Variants in PARM1 observed in about 807,000 individuals in gnomAD.
The protein encoded by PARM1 is prostate androgen-regulated mucin-like protein 1, also known as WSC4, cell wall integrity and stress response component 4 homolog.
Under a neutral mutation model 24.6 loss-of-function variants are expected in PARM1, and 14 were observed. That is an observed-to-expected ratio of 0.57 (90% CI 0.38 to 0.89). The LOEUF (loss-of-function observed/expected upper bound fraction) is 0.89, where lower values mean the gene tolerates loss of function less well. Among genes scored for constraint, PARM1 ranks in the 40% least tolerant of loss-of-function variants. The probability of loss-of-function intolerance (pLI) is 0.00; values close to 1 mark genes in which losing one functional copy is unlikely to be tolerated. For missense variants in PARM1, 362 were observed against 380.4 expected, an observed-to-expected ratio of 0.95 and a Z score of 0.40; for synonymous variants, 179 against 156.6, an observed-to-expected ratio of 1.14 and a Z score of -1.07.
chr4:75,021,760 T>C (rs1723092354), intron 2 of PARM1, among the ~76,000 whole-genome samples: 1 of 152,186 alleles, frequency 6.6e-6, no homozygotes, highest in South Asian at 2.1e-4. Context: ...GGCCTCCAGC[T>C]CCATCCATGT....
At chr4:74,957,018 C>G (rs1021612327) in intron 1 of PARM1, 1 of 152,216 alleles carries the variant, frequency 6.6e-6, no homozygotes, top group African/African-American at 2.4e-5. Flanking sequence ...ACAGATGTGC[C>G]AAGAACTTGG....
chr4:74,990,942 G>A (rs1722455367), intron 1 of PARM1, among the ~76,000 whole-genome samples: 1 of 152,120 alleles, frequency 6.6e-6, no homozygotes, highest in Admixed American at 6.6e-5. Context: ...ATGTGAAGAA[G>A]ACAGAGATAA....
chr4:75,035,964 A>T (rs1430208423), intron 3 of PARM1, among the ~76,000 whole-genome samples: 1 of 152,166 alleles, frequency 6.6e-6, no homozygotes, highest in Non-Finnish European at 1.5e-5. Context: ...TTATTAGTTT[A>T]TTGCTGCAGA....
chr4:75,043,096 C>T (rs1294906270), intron 3 of PARM1, among the ~76,000 whole-genome samples: 1 of 152,026 alleles, frequency 6.6e-6, no homozygotes, highest in Non-Finnish European at 1.5e-5. Flanking sequence ...AACCTGATAG[C>T]CAGAAGATTT....
intron 1 of PARM1, among the ~76,000 whole-genome samples, chr4:74,947,300 C>T (rs1721429680): frequency 6.6e-6 from 1 of 151,992 alleles, no homozygotes; most frequent in Admixed American, 6.6e-5. Context: ...TCAGCAAACT[C>T]CAGACTATGG....
intron 1 of PARM1, chr4:74,997,783 C>T (rs567593180): frequency 2.5e-4 from 38 of 152,186 alleles, no homozygotes; most frequent in African/African-American, 8.9e-4. Flanking sequence ...CTGCATAATC[C>T]CAGCACTGCC....
chr4:74,983,042 T>C (rs1455144367), intron 1 of PARM1, among the ~76,000 whole-genome samples: 2 of 152,210 alleles, frequency 1.3e-5, no homozygotes, highest in East Asian at 3.8e-4. Context: ...AGGGACCAGA[T>C]ATTGTCTTGT....
intron 1 of PARM1, among the ~76,000 whole-genome samples, chr4:74,996,159 G>C (rs1198572969): frequency 1.3e-5 from 2 of 152,112 alleles, no homozygotes; most frequent in Non-Finnish European, 2.9e-5. Context: ...ACACACATCT[G>C]TTGTAGGCCT....
chr4:75,010,161 A>T (rs181787788), intron 1 of PARM1, among the ~76,000 whole-genome samples: 2 of 152,382 alleles, frequency 1.3e-5, no homozygotes, highest in Non-Finnish European at 2.9e-5. Flanking sequence ...ACAGTGGAAT[A>T]TTATTCAGCC....
Position 75,012,605 on chromosome 4 carries a change from C to T in PARM1, c.224C>T (p.Ser75Phe), listed in dbSNP as rs370099487. The T allele has an allele frequency of 2.5e-6, 4 of 1,613,896 alleles. No homozygotes were observed. Among genetic ancestry groups the T allele is most frequent in the African/African-American group, 2.7e-5 (2 of 74,924 alleles). The change falls in exon 2 of 4, where the codon TCT (serine) becomes TTT (phenylalanine). Residue 75 changes from serine to phenylalanine, a missense_variant. Transcript: ENST00000307428. ...VLPVTASAPTSLLPKNISIES... is the reference protein window; with the variant it reads ...VLPVTASAPTFLLPKNISIES... ...CCAGTTACAGCATCAGCCCCAACAT[C>T]TCTGCTTCCTAAGAACATTTCCATA...
intron 1 of PARM1, among the ~76,000 whole-genome samples, chr4:74,954,701 T>C (rs556077577): frequency 6.6e-6 from 1 of 152,344 alleles, no homozygotes; most frequent in East Asian, 1.9e-4. Context: ...CTGGTTTCAA[T>C]GATAGTGGAA....
intron 1 of PARM1, among the ~76,000 whole-genome samples, chr4:74,949,094 G>A (rs1721464367): frequency 6.6e-6 from 1 of 152,072 alleles, no homozygotes; most frequent in African/African-American, 2.4e-5. Flanking sequence ...TTATATTTGG[G>A]CAATCATCAT....
intron 1 of PARM1, among the ~76,000 whole-genome samples, chr4:74,942,625 C>T (rs963635756): frequency 6.6e-6 from 1 of 152,216 alleles, no homozygotes; most frequent in Non-Finnish European, 1.5e-5. Flanking sequence ...TCCCAACCTT[C>T]AAGAAAGTCT....
At chr4:75,005,612 C>T (rs916235564) in intron 1 of PARM1, among the ~76,000 whole-genome samples, 2 of 152,220 alleles carry the variant, frequency 1.3e-5, no homozygotes, top group African/African-American at 4.8e-5. Context: ...TCCCTCCTAG[C>T]AGGTCTAGAA....
intron 1 of PARM1, among the ~76,000 whole-genome samples, chr4:74,980,369 G>T (rs1393809968): frequency 6.6e-6 from 1 of 152,074 alleles, no homozygotes; most frequent in Non-Finnish European, 1.5e-5. Flanking sequence ...ATTCACAATT[G>T]CTTCAAAGAG....
chr4:75,039,109 A>C (rs1057173823), intron 3 of PARM1, among the ~76,000 whole-genome samples: 1 of 152,210 alleles, frequency 6.6e-6, no homozygotes, highest in African/African-American at 2.4e-5. Context: ...GATCTTCTAG[A>C]ATTTGTTATA....
intron 1 of PARM1, among the ~76,000 whole-genome samples, chr4:74,991,067 G>A (rs910789099): frequency 6.6e-6 from 1 of 152,132 alleles, no homozygotes; most frequent in Non-Finnish European, 1.5e-5. Flanking sequence ...GCATAGCACT[G>A]TATTAGGTGT....
At chr4:74,937,380 T>C (rs1252264933) in intron 1 of PARM1, among the ~76,000 whole-genome samples, 1 of 152,194 alleles carries the variant, frequency 6.6e-6, no homozygotes, top group East Asian at 1.9e-4. Flanking sequence ...AAAACTGACC[T>C]GAGAAGGTGG....
chr4:74,942,920 C>T (rs1180374202), intron 1 of PARM1, among the ~76,000 whole-genome samples: 2 of 152,230 alleles, frequency 1.3e-5, no homozygotes, highest in African/African-American at 4.8e-5. Flanking sequence ...ATCAAGACCT[C>T]CGTGAGCTGG....
Sources: allele counts gnomAD v4.1 joint callset (sites outside exome capture counted in the v4.1 genomes callset), GRCh38; gene constraint gnomAD v4.1.1; transcripts MANE v1.5; gene names NCBI Gene and HGNC (gene_info 2026-07-23, HGNC 2026-07-21).